Variants in CDH20 observed in about 807,000 individuals in gnomAD.
CDH20 encodes cadherin-20.
Under a neutral mutation model 74.2 loss-of-function variants are expected in CDH20, and 29 were observed. The ratio of observed to expected loss-of-function variants is 0.39; its 90% confidence interval spans 0.29 to 0.53. The LOEUF (loss-of-function observed/expected upper bound fraction) is 0.53. Among genes scored for constraint, CDH20 ranks in the 20% least tolerant of loss-of-function variants. The probability of loss-of-function intolerance (pLI) is 0.69; values close to 1 mark genes in which losing one functional copy is unlikely to be tolerated. For synonymous variants in CDH20, 469 were observed against 405.4 expected, an observed-to-expected ratio of 1.16 and a Z score of -1.88; for missense variants, 988 against 1,048.3, an observed-to-expected ratio of 0.94 and a Z score of 0.79.
intron 5 of CDH20, among the ~76,000 whole-genome samples, chr18:61,506,378 C>A (rs567664121): frequency 6.6e-6 from 1 of 152,310 alleles, no homozygotes; most frequent in Non-Finnish European, 1.5e-5. Flanking sequence ...TCTTCTCCTG[C>A]GCAAGGCAGG....
intron 1 of CDH20, among the ~76,000 whole-genome samples, chr18:61,478,560 T>C (rs539429355): frequency 1.3e-5 from 2 of 152,306 alleles, no homozygotes; most frequent in East Asian, 3.9e-4. Flanking sequence ...GTTTTCTCAG[T>C]AGCTTGTTTT....
At chr18:61,501,621 C>A (rs773576334) in intron 4 of CDH20, among the ~76,000 whole-genome samples, 2 of 152,092 alleles carry the variant, frequency 1.3e-5, no homozygotes, top group African/African-American at 2.4e-5. Flanking sequence ...GCAACCTGAT[C>A]GAATTTTTTT....
At position 61,453,632 on chromosome 18, in the gene CDH20, C is replaced by T. The variant is rs963780216; in HGVS notation, c.-152-36770C>T. 2.6e-5 allele frequency among the ~76,000 whole-genome samples: 4 copies of T among 152,166 alleles called. 1 individual carries two copies. The highest frequency in any genetic ancestry group is 4.1e-4 in the South Asian group (2 of 4,834). ...ACTCAGCAATTTATCCAAGGCATTG[C>T]GTGTATCAATGACTTCCTTTATTGC... is the stretch of plus-strand genomic sequence containing the variant. On this transcript the variant is annotated intron_variant, in intron 1 of 11. Transcript: ENST00000262717.
intron 1 of CDH20, among the ~76,000 whole-genome samples, chr18:61,391,146 G>A (rs949963042): frequency 6.6e-6 from 1 of 152,128 alleles, no homozygotes; most frequent in African/African-American, 2.4e-5. Context: ...AGAATATCCT[G>A]AGATATAAAT....
chr18:61,552,737 G>A lies in CDH20; in HGVS notation c.1901-1453G>A, dbSNP rs186178099. On this transcript the variant is annotated intron_variant, in intron 11 of 11. Coordinates refer to ENST00000262717, the MANE Select transcript of CDH20 (RefSeq NM_031891.4). Reference sequence around the variant, plus strand: ...ACAAGCTCACAAGAGCAGAATCCATGTCACACTCAATATTGTTTCCCCATT... The same window carrying A: ...ACAAGCTCACAAGAGCAGAATCCATATCACACTCAATATTGTTTCCCCATT... Among the ~76,000 whole-genome samples the A allele has an allele frequency of 1.6e-4, 25 of 152,278 alleles. 1 individual carries two copies. The highest frequency in any genetic ancestry group is 9.8e-4 in the Admixed American group (15 of 15,300).
chr18:61,469,150 G>A lies in CDH20; in HGVS notation c.-152-21252G>A, dbSNP rs150914413. On this transcript the variant is annotated intron_variant, in intron 1 of 11. Coordinates refer to ENST00000262717, the MANE Select transcript of CDH20 (RefSeq NM_031891.4). ...AACTTCAGAATTCAATTTTCAAAAG[G>A]AAATGCTATGTTTGTTTCATGTCAG... 4.7e-4 allele frequency among the ~76,000 whole-genome samples: 72 copies of A among 152,266 alleles called. No homozygotes were observed. In the East Asian group the frequency reaches 0.014, roughly 29 times the overall value.
At chr18:61,511,737 G>A (rs1218081791) in intron 6 of CDH20, among the ~76,000 whole-genome samples, 1 of 152,124 alleles carries the variant, frequency 6.6e-6, no homozygotes, top group Non-Finnish European at 1.5e-5. Flanking sequence ...GTTTTCTTCA[G>A]CTCCCTTACC....
intron 5 of CDH20, among the ~76,000 whole-genome samples, chr18:61,503,603 A>T (rs930314050): frequency 6.6e-6 from 1 of 152,324 alleles, no homozygotes; most frequent in East Asian, 1.9e-4. Flanking sequence ...GATCTTCACC[A>T]ATCACTCCAG....
In CDH20 at chr18:61,490,621, G is replaced by A. The variant is rs1246036994; in HGVS notation, c.68G>A (p.Trp23Ter). Reference sequence around the variant, plus strand: ...GGACTTGGCATGTCCTTGTACTTCTGGGGGCTGATGGACCTTACGACCACC... The same window carrying A: ...GGACTTGGCATGTCCTTGTACTTCTAGGGGCTGATGGACCTTACGACCACC... ...WLGLGMSLYFWGLMDLTTTVL... is the reference protein window; with the variant it reads ...WLGLGMSLYF Residue 23 changes from tryptophan to a stop codon, truncating the protein, a stop_gained, in exon 2 of 12, where the codon TGG (tryptophan) becomes TAG (stop). Transcript: ENST00000262717. LOFTEE classifies it high-confidence loss of function. The A allele has an allele frequency of 6.2e-7, 1 of 1,614,068 alleles. No homozygotes were observed. The highest frequency in any genetic ancestry group is 1.3e-5 in the African/African-American group (1 of 75,016).
chr18:61,438,410 G>T (rs1229776304), intron 1 of CDH20, among the ~76,000 whole-genome samples: 2 of 152,090 alleles, frequency 1.3e-5, no homozygotes, highest in East Asian at 3.9e-4. Flanking sequence ...CCTGCCAGAG[G>T]TGCTCTGACA....
chr18:61,348,490 T>G (rs1874366), intron 1 of CDH20, among the ~76,000 whole-genome samples: 147,570 of 152,276 alleles, frequency 0.97, 71,683 homozygotes, highest in Middle Eastern at 1. Flanking sequence ...GCAGACTGGG[T>G]TTCTGATTTC....
Position 61,341,356 on chromosome 18 carries a change from T to C in CDH20, c.-153+7529T>C, listed in dbSNP as rs532629956. 2.6e-5 allele frequency among the ~76,000 whole-genome samples: 4 copies of C among 152,240 alleles called. No homozygotes were observed. The South Asian group carries it at 6.2e-4, about 24-fold the overall frequency. On this transcript the variant is annotated intron_variant, in intron 1 of 11. Transcript: ENST00000262717. Reference sequence around the variant, plus strand: ...AAGAGAGCTGCCTGGGGTCCCCCTTTTTTTAAGGGCAAGAATTTCATTCAT... The same window carrying C: ...AAGAGAGCTGCCTGGGGTCCCCCTTCTTTTAAGGGCAAGAATTTCATTCAT...
chr18:61,485,777 A>G lies in CDH20; in HGVS notation c.-152-4625A>G, dbSNP rs560225535. 9.9e-5 allele frequency among the ~76,000 whole-genome samples: 15 copies of G among 151,862 alleles called. No homozygotes were observed. In the South Asian group the frequency reaches 3.1e-3, roughly 32 times the overall value. ...GTCAAGGTTCTCTCTCGAGAAATAG[A>G]AAAAAACCCATTTTGGCCAGGTGCG... On this transcript the variant is annotated intron_variant, in intron 1 of 11. Coordinates refer to ENST00000262717, the MANE Select transcript of CDH20 (RefSeq NM_031891.4).
intron 1 of CDH20, among the ~76,000 whole-genome samples, chr18:61,476,428 T>C (rs1163267655): frequency 1.3e-5 from 2 of 152,134 alleles, no homozygotes; most frequent in African/African-American, 4.8e-5. Flanking sequence ...CAGAATCACG[T>C]AGCCAAGATA....
intron 8 of CDH20, among the ~76,000 whole-genome samples, chr18:61,538,608 G>GTTTTTTTTTTT (rs1449356386): frequency 2.8e-5 from 1 of 36,334 alleles, no homozygotes; most frequent in Non-Finnish European, 6.0e-5. Context: ...TTTTGTTTTT[G>GTTTTTTTTTTT]TTTTTGTTTT....
At chr18:61,378,031 G>A (rs1911302262) in intron 1 of CDH20, among the ~76,000 whole-genome samples, 3 of 152,080 alleles carry the variant, frequency 2.0e-5, no homozygotes, top group Admixed American at 2.0e-4. Flanking sequence ...TGATGTCCCC[G>A]TTTTCCTAGT....
At chr18:61,450,385 T>C (rs368811676) in intron 1 of CDH20, among the ~76,000 whole-genome samples, 6 of 34,790 alleles carry the variant, frequency 1.7e-4, no homozygotes, top group Admixed American at 1.2e-3. Context: ...GGCAAACCCC[T>C]TTAAAAAAAA....
At chr18:61,336,364 C>T (rs1495807) in intron 1 of CDH20, among the ~76,000 whole-genome samples, 32,486 of 152,092 alleles carry the variant, frequency 0.21, 5,412 homozygotes, top group African/African-American at 0.47. Flanking sequence ...TCAGTCATAG[C>T]GCAGTAGTCT....
intron 1 of CDH20, among the ~76,000 whole-genome samples, chr18:61,450,046 T>C (rs1909329178): frequency 2.0e-5 from 3 of 152,102 alleles, no homozygotes; most frequent in Admixed American, 1.3e-4. Flanking sequence ...AACAAATCTT[T>C]GAGGCATATT....
Sources: allele counts gnomAD v4.1 joint callset (sites outside exome capture counted in the v4.1 genomes callset), GRCh38; gene constraint gnomAD v4.1.1; transcripts MANE v1.5; gene names NCBI Gene and HGNC (gene_info 2026-07-23, HGNC 2026-07-21).